APMAP: variants seen among roughly 807,000 people sequenced by gnomAD.
The protein encoded by APMAP is adipocyte plasma membrane associated protein, also known as adipocyte plasma membrane-associated protein.
APMAP carries 33 observed loss-of-function variants against 43.6 expected under a neutral mutation model. The ratio of observed to expected loss-of-function variants is 0.76; its 90% CI spans 0.57 to 1.01. APMAP has a LOEUF of 1.01. APMAP is among the 50% of genes least tolerant of loss of function. APMAP has a pLI of 0.00. For missense variants in APMAP, 498 were observed against 540.7 expected (o/e 0.92, Z 0.78); for synonymous variants, 224 against 216.7 (o/e 1.03, Z -0.30).
intron 3 of APMAP, 27 bp from the exon 4 acceptor site, chr20:24,973,764 G>A (rs747285249): frequency 2.5e-6 from 4 of 1,603,352 alleles, no homozygotes; most frequent in African/African-American, 1.3e-5. Context: ...AAAGGAGGAA[G>A]AGCAATGTTA....
At chr20:24,972,436 G>A (rs539817232) in intron 4 of APMAP, among the ~76,000 whole-genome samples, 9 of 149,570 alleles carry the variant, frequency 6.0e-5, no homozygotes, top group East Asian at 4.1e-4. Context: ...CACTGCAGGC[G>A]CTTATTGCAG....
intron 4 of APMAP, among the ~76,000 whole-genome samples, 200 bp from the exon 5 acceptor site, chr20:24,971,776 C>T (rs2088003559): frequency 2.6e-5 from 4 of 151,914 alleles, no homozygotes; most frequent in Admixed American, 2.6e-4. Flanking sequence ...GGGGTGCTCA[C>T]TGCAGGGTGC....
At chr20:24,985,456 T>C (rs1287568318) in intron 1 of APMAP, among the ~76,000 whole-genome samples, 1 of 152,070 alleles carries the variant, frequency 6.6e-6, no homozygotes, top group Non-Finnish European at 1.5e-5. Context: ...CCCCAGAGCC[T>C]CCAGAAACAC....
intron 8 of APMAP, among the ~76,000 whole-genome samples, chr20:24,965,251 T>C (rs895373303): frequency 1.3e-5 from 2 of 152,228 alleles, no homozygotes; most frequent in Admixed American, 6.5e-5. Context: ...TTGCCATCTG[T>C]TGTGTGTGTC....
At chr20:24,989,292 C>T (rs908063846) in intron 1 of APMAP, among the ~76,000 whole-genome samples, 1 of 151,996 alleles carries the variant, frequency 6.6e-6, no homozygotes, top group Non-Finnish European at 1.5e-5. Context: ...ATGCCCATCT[C>T]CATGAGGACA....
intron 2 of APMAP, among the ~76,000 whole-genome samples, chr20:24,981,394 AGTGACCCACT>A (rs2088103638): frequency 6.6e-6 from 1 of 152,232 alleles, no homozygotes; most frequent in South Asian, 2.1e-4. Flanking sequence ...ACTGCAGAGA[AGTGACCCACT>A]GTGACCCACA....
chr20:24,981,799 T>C (rs544594450), intron 2 of APMAP, among the ~76,000 whole-genome samples: 1 of 152,348 alleles, frequency 6.6e-6, no homozygotes, highest in South Asian at 2.1e-4. Flanking sequence ...TTAACTGATA[T>C]TTTTTCAGTG....
At chr20:24,976,945 G>A (rs1216535371) in intron 3 of APMAP, among the ~76,000 whole-genome samples, 1 of 152,226 alleles carries the variant, frequency 6.6e-6, no homozygotes, top group African/African-American at 2.4e-5. Context: ...GCTACATACT[G>A]TATGAGTCCA....
rs774586855 is a variant in APMAP, at chr20:24,963,987, C to T, written c.1077G>A (p.Pro359=). ...FSQETVMKFV[P]RYSLVLELSD... Reference sequence around the variant, plus strand: ...TGAGTTCTAGGACGAGGCTGTACCGCGGCACAAACTTCATCACCGTCTCTT... The same window carrying T: ...TGAGTTCTAGGACGAGGCTGTACCGTGGCACAAACTTCATCACCGTCTCTT... Residue 359 remains proline (P), a synonymous_variant, in exon 9 of 9, where the codon CCG becomes CCA. Coordinates refer to ENST00000217456, the MANE Select transcript of APMAP (RefSeq NM_020531.3). 12 of 1,614,224 alleles carry T rather than the reference C, an allele frequency of 7.4e-6. No individual in the cohort carries two copies. Among genetic ancestry groups the T allele is most frequent in the South Asian group, 5.5e-5 (5 of 91,086 alleles).
chr20:24,968,936 C>A lies in APMAP; in HGVS notation c.997G>T (p.Asp333Tyr). Residue 333 changes from aspartate to tyrosine, a missense_variant, in exon 8 of 9, where the codon GAT becomes TAT. By Grantham distance (160) the Asp-to-Tyr change is radical. Transcript: ENST00000217456. ...IRPNPGFSML[D>Y]FLSERPWIKR... ...ATCCAGGGTCTCTCAGATAAGAAAT[C>A]CAGCATGGAAAACCCAGGGTTAGGG... 6.2e-7 allele frequency: 1 copy of A among 1,611,442 alleles called. No homozygotes were observed. Among genetic ancestry groups the A allele is most frequent in the Non-Finnish European group, 8.5e-7 (1 of 1,178,878 alleles).
intron 1 of APMAP, among the ~76,000 whole-genome samples, chr20:24,990,366 ACT>A (rs1321765324): frequency 1.3e-5 from 2 of 151,934 alleles, no homozygotes; most frequent in Non-Finnish European, 2.9e-5. Context: ...TTCTCTTTTG[ACT>A]CTATTCTCTG....
At chr20:24,978,201 CAG>C (rs2088067464) in intron 3 of APMAP, among the ~76,000 whole-genome samples, 2 of 152,310 alleles carry the variant, frequency 1.3e-5, no homozygotes, top group East Asian at 3.9e-4. Flanking sequence ...TTTTAACAAA[CAG>C]AAAATGCCTT....
At chr20:24,979,193 C>A (rs1486922911) in intron 2 of APMAP, among the ~76,000 whole-genome samples, 1 of 152,234 alleles carries the variant, frequency 6.6e-6, no homozygotes, top group East Asian at 1.9e-4. Context: ...TGCCTCAGGG[C>A]AGCTGGACCT....
intron 2 of APMAP, among the ~76,000 whole-genome samples, chr20:24,979,529 C>T (rs2088082594): frequency 6.6e-6 from 1 of 152,154 alleles, no homozygotes; most frequent in Non-Finnish European, 1.5e-5. Context: ...TATGTCACGC[C>T]TCCCAACCCA....
At chr20:24,978,726 A>T in intron 3 of APMAP, 41 bp downstream of exon 3, 3 of 822,288 alleles carry the variant, frequency 3.6e-6, no homozygotes, top group Non-Finnish European at 5.9e-6. Flanking sequence ...CAGACAACAG[A>T]CAGCCTGGAA....
chr20:24,973,785 T>G, intron 3 of APMAP, 48 bp from the exon 4 acceptor site: 1 of 1,556,642 alleles, frequency 6.4e-7, no homozygotes, highest in Non-Finnish European at 8.8e-7. Flanking sequence ...GCCTAAGAAA[T>G]GTGACTAAGC....
intron 8 of APMAP, among the ~76,000 whole-genome samples, chr20:24,966,661 A>G (rs1251620870): frequency 6.6e-6 from 1 of 152,258 alleles, no homozygotes; most frequent in Non-Finnish European, 1.5e-5. Context: ...ATTCAAAAAA[A>G]GACAGGAGCT....
chr20:24,985,922 G>A (rs1379515666), intron 1 of APMAP, among the ~76,000 whole-genome samples: 4 of 152,206 alleles, frequency 2.6e-5, no homozygotes, highest in South Asian at 2.1e-4. Flanking sequence ...CACGAGCATG[G>A]GATTGGAAAC....
chr20:24,982,035 G>A (rs1280837119), intron 2 of APMAP, among the ~76,000 whole-genome samples: 1 of 152,200 alleles, frequency 6.6e-6, no homozygotes, highest in Non-Finnish European at 1.5e-5. Context: ...GCATTTTGGG[G>A]CCTATCTTCC....
Sources: gnomAD v4.1 joint callset for allele counts (sites outside exome capture counted in the v4.1 genomes callset) on GRCh38, gnomAD v4.1.1 for gene constraint, MANE v1.5 for transcripts, NCBI Gene and HGNC (gene_info 2026-07-23, HGNC 2026-07-21) for gene names.